The following TEX14 variants were observed in gnomAD, a reference collection of about 807,000 sequenced individuals.
TEX14 encodes the protein inactive serine/threonine-protein kinase TEX14.
A neutral mutation model predicts 178.6 loss-of-function variants in TEX14; 168 were observed. The observed-to-expected ratio is 0.94, with a 90% CI of 0.83 to 1.07. TEX14 has a LOEUF of 1.07. Ranked by LOEUF, TEX14 falls within the 50% of genes least tolerant of loss-of-function variation. TEX14 has a pLI of 0.00. For missense variants in TEX14, 1,730 were observed against 1,753.6 expected (o/e 0.99, Z 0.24); for synonymous variants, 626 against 634.1 (o/e 0.99, Z 0.19).
chr17:58,606,328 T>C (rs988670570), intron 10 of TEX14, among the ~76,000 whole-genome samples: 6 of 152,164 alleles, frequency 3.9e-5, no homozygotes, highest in African/African-American at 1.2e-4. Flanking sequence ...GTATGAATAT[T>C]ATGGGAGGCA....
chr17:58,606,211 G>A (rs576267742), intron 10 of TEX14, among the ~76,000 whole-genome samples: 2 of 152,252 alleles, frequency 1.3e-5, no homozygotes, highest in African/African-American at 2.4e-5. Flanking sequence ...AGTCCTCAGG[G>A]TAAACTCAGC....
At chr17:58,588,982 C>T (rs934794226) in intron 15 of TEX14, among the ~76,000 whole-genome samples, 2 of 152,100 alleles carry the variant, frequency 1.3e-5, no homozygotes, top group Admixed American at 6.6e-5. Context: ...TTTTCAAAAA[C>T]GCATGAACTG....
intron 1 of TEX14, among the ~76,000 whole-genome samples, chr17:58,683,380 A>C (rs546626869): frequency 0.043 from 6,334 of 145,842 alleles, 203 homozygotes; most frequent in African/African-American, 0.1. Flanking sequence ...CCCCCCCCCC[A>C]AAAAAAAAAG....
In TEX14 at chr17:58,599,258, T is replaced by C. The variant is rs754560961; in HGVS notation, c.2087A>G (p.Gln696Arg). 1.9e-6 allele frequency: 3 copies of C among 1,613,820 alleles called. No homozygotes were observed. In the South Asian group the frequency reaches 3.3e-5, roughly 18 times the overall value. ...GCTGAGTGAACTGAGTGAACCGTTT[T>C]GCCAGTCCCAGTCATCAAAAGAGTA... The part of the protein sequence containing the change: ...TEYSFDDWDW[Q>R]NGSLSSLSLP... Residue 696 changes from glutamine to arginine, a missense_variant, in exon 14 of 32, where the codon CAA (glutamine) becomes CGA (arginine). By Grantham distance (43) the Gln-to-Arg change is conservative. Around this residue, in one of 2 missense-constraint regions of TEX14, gnomAD observed 941 missense variants for 1,072.4 expected, o/e 0.88. Transcript: ENST00000349033.
Position 58,630,413 on chromosome 17 carries a change from T to G in TEX14, c.251+27A>C, listed in dbSNP as rs777738286. The G allele has an allele frequency of 2.0e-6, 3 of 1,514,290 alleles. No homozygotes were observed. The South Asian group carries it at 3.4e-5, about 17-fold the overall frequency. 93.8% of individuals were successfully genotyped at this position (1,514,290 alleles called of 1,614,324 possible). A position where few individuals can be genotyped will look rare whatever the true frequency, so the allele number is the denominator to read the frequency against. ...CATCTTAACAGCACAACCCCTATTT[T>G]CTAGACATCAATATTATTGTACTTA... On this transcript the variant is annotated intron_variant, in intron 3 of 31. Coordinates refer to ENST00000349033, the MANE Select transcript of TEX14 (RefSeq NM_031272.5).
At chr17:58,616,606 TTAAA>T (rs1243480633) in intron 6 of TEX14, among the ~76,000 whole-genome samples, 1 of 151,998 alleles carries the variant, frequency 6.6e-6, no homozygotes, top group Admixed American at 6.6e-5. Flanking sequence ...AATTTTTTTT[TTAAA>T]TAGAGACGGG....
intron 1 of TEX14, among the ~76,000 whole-genome samples, chr17:58,672,237 C>T (rs2047315845): frequency 6.6e-6 from 1 of 152,158 alleles, no homozygotes; most frequent in Non-Finnish European, 1.5e-5. Context: ...TAGTTCCTAA[C>T]AGGCCACCAA....
intron 2 of TEX14, among the ~76,000 whole-genome samples, chr17:58,635,744 C>CT (rs1042095264): frequency 7.3e-5 from 11 of 150,656 alleles, no homozygotes; most frequent in South Asian, 4.2e-4. Flanking sequence ...AAGGGCTTCT[C>CT]TTTTTTTTTG....
chr17:58,643,143 T>G (rs566779216), intron 2 of TEX14, among the ~76,000 whole-genome samples: 29 of 152,344 alleles, frequency 1.9e-4, no homozygotes, highest in African/African-American at 7.0e-4. Flanking sequence ...CCTCAAGCCC[T>G]GCTACTGACC....
intron 1 of TEX14, among the ~76,000 whole-genome samples, chr17:58,681,732 A>G (rs1353625905): frequency 1.3e-5 from 2 of 151,886 alleles, no homozygotes; most frequent in Non-Finnish European, 2.9e-5. Context: ...AATCCCAGCT[A>G]CCCAGGAGGC....
At position 58,615,275 on chromosome 17, in the gene TEX14, G is replaced by C; in HGVS notation, c.838C>G (p.Leu280Val). The C allele has an allele frequency of 6.2e-7, 1 of 1,613,828 alleles. No individual in the cohort carries two copies. The highest frequency in any genetic ancestry group is 2.2e-5 in the East Asian group (1 of 44,874). The change falls in exon 8 of 32, where the codon CTG becomes GTG. Residue 280 changes from leucine (L) to valine (V), a missense_variant. Physicochemically the swap from Leu to Val is conservative, Grantham distance 32. This residue lies in a region of TEX14 where 789 missense variants were observed against 681.2 expected (regional missense o/e 1.16). Transcript: ENST00000349033. Reference sequence around the variant, plus strand: ...GCAATTAACAAGTCGGCCAGCCGCAGCCTGCTGCAGTGTGGGTGGGTGGGG... The same window carrying C: ...GCAATTAACAAGTCGGCCAGCCGCACCCTGCTGCAGTGTGGGTGGGTGGGG... Reference protein sequence around the residue: ...NLPTHPHCSRLRLADLLIAEQ... With the variant: ...NLPTHPHCSRVRLADLLIAEQ...
At chr17:58,629,455 G>T (rs368002544) in intron 3 of TEX14, among the ~76,000 whole-genome samples, 7 of 120,116 alleles carry the variant, frequency 5.8e-5, no homozygotes, top group African/African-American at 2.2e-4. Flanking sequence ...CCATGTGTCA[G>T]GAAAAAAAAA....
intron 18 of TEX14, 111 bp downstream of exon 18, chr17:58,585,690 A>C: frequency 1.1e-6 from 1 of 943,182 alleles, no homozygotes; most frequent in South Asian, 1.5e-5. Context: ...TCCTGGGCTC[A>C]GGTGATCCGC....
rs940051074 is a variant in TEX14 at position 58,658,953 on chromosome 17, A to T, written c.-1-6951T>A. ...AGCTAGCACAGGTGCGTACCACATC[A>T]GTCTGGCTTATTTTTCCACCCTTCC... On this transcript the variant is annotated intron_variant, in intron 1 of 31. Transcript: ENST00000349033. Among the ~76,000 whole-genome samples, 9 of 151,750 alleles carry T rather than the reference A, an allele frequency of 5.9e-5. No individual in the cohort carries two copies. The East Asian group carries it at 1.5e-3, about 26-fold the overall frequency.
Position 58,590,777 on chromosome 17 carries a change from A to G in TEX14, c.2577-2756T>C, listed in dbSNP as rs540936684. On this transcript the variant is annotated intron_variant, in intron 15 of 31. Coordinates refer to ENST00000349033, the MANE Select transcript of TEX14 (RefSeq NM_031272.5). Reference sequence around the variant, plus strand: ...GCCATGTTTCCCAGGGTAGTCTCCAATTCCTGGGCTCAAGTGATCTGCCTG... The same window carrying G: ...GCCATGTTTCCCAGGGTAGTCTCCAGTTCCTGGGCTCAAGTGATCTGCCTG... Among the ~76,000 whole-genome samples, 17 of 152,150 alleles carry G rather than the reference A, an allele frequency of 1.1e-4. No homozygotes were observed. The South Asian group carries it at 3.1e-3, about 28-fold the overall frequency.
chr17:58,603,230 A>G (rs576054160), intron 11 of TEX14, among the ~76,000 whole-genome samples: 38 of 150,980 alleles, frequency 2.5e-4, no homozygotes, highest in African/African-American at 8.5e-4. Flanking sequence ...GTATATTGTC[A>G]TTTTGCCTCT....
At chr17:58,652,623 G>C (rs1034758306) in intron 1 of TEX14, among the ~76,000 whole-genome samples, 1 of 152,154 alleles carries the variant, frequency 6.6e-6, no homozygotes, top group Non-Finnish European at 1.5e-5. Flanking sequence ...CACAAGAACA[G>C]ACTAATACAA....
intron 1 of TEX14, among the ~76,000 whole-genome samples, chr17:58,685,435 C>CAA (rs761981101): frequency 1.3e-5 from 1 of 78,650 alleles, no homozygotes; most frequent in African/African-American, 4.7e-5. Flanking sequence ...GACTCGGTGT[C>CAA]AAAAAAAAAA....
intron 15 of TEX14, among the ~76,000 whole-genome samples, 171 bp downstream of exon 15, chr17:58,593,384 T>A (rs2045204121): frequency 6.6e-6 from 1 of 152,234 alleles, no homozygotes; most frequent in Non-Finnish European, 1.5e-5. Flanking sequence ...CAAGTTCCCA[T>A]GACACTGCTC....
Sources: gnomAD v4.1 joint callset for allele counts (sites outside exome capture counted in the v4.1 genomes callset) on GRCh38, gnomAD v4.1.1 for gene constraint, gnomAD v4.1.1 regional missense constraint, MANE v1.5 for transcripts, NCBI Gene and HGNC (gene_info 2026-07-23, HGNC 2026-07-21) for gene names.